IL1RAPL2: variants seen among roughly 807,000 people sequenced by gnomAD.
IL1RAPL2 encodes the protein X-linked interleukin-1 receptor accessory protein-like 2.
IL1RAPL2 carries 3 observed loss-of-function variants against 44.1 expected under a neutral mutation model. That is an observed-to-expected ratio of 0.07 (90% CI 0.03 to 0.18). IL1RAPL2 has a LOEUF of 0.18. Among genes scored for constraint, IL1RAPL2 ranks in the 10% least tolerant of loss-of-function variants. The pLI is 1.00. For synonymous variants in IL1RAPL2, 181 were observed against 178.8 expected (o/e 1.01, Z -0.10); for missense variants, 391 against 496.4 (o/e 0.79, Z 2.02).
chrX:105,052,136 G>T (rs2031936031), intron 2 of IL1RAPL2, among the ~76,000 whole-genome samples: 1 of 112,387 alleles, frequency 8.9e-6, no homozygotes, highest in African/African-American at 3.2e-5. Context: ...GTATGGGCTA[G>T]CTCTTTGATC....
chrX:105,080,400 G>T (rs1383288504), intron 2 of IL1RAPL2, among the ~76,000 whole-genome samples: 1 of 111,819 alleles, frequency 8.9e-6, no homozygotes, highest in Non-Finnish European at 1.9e-5. Flanking sequence ...TTTGTATAAG[G>T]GGTAAGAAAA....
chrX:105,359,751 T>TCAA (rs773805127), intron 5 of IL1RAPL2, among the ~76,000 whole-genome samples: 4 of 75,717 alleles, frequency 5.3e-5, no homozygotes, highest in African/African-American at 1.5e-4. Context: ...TAACTGTAAT[T>TCAA]TAATAATAAT....
chrX:105,025,710 T>C (rs1172216681), intron 2 of IL1RAPL2, among the ~76,000 whole-genome samples: 3 of 111,349 alleles, frequency 2.7e-5, no homozygotes, highest in Non-Finnish European at 5.7e-5. Flanking sequence ...GAAAAAGCCA[T>C]TTGTAAATGC....
At chrX:104,838,847 CTT>C (rs3086025) in intron 2 of IL1RAPL2, among the ~76,000 whole-genome samples, 529 of 36,168 alleles carry the variant, frequency 0.015, 5 homozygotes, top group African/African-American at 0.045. Context: ...TTCTTTCTTT[CTT>C]TTTTTTTTTT....
chrX:104,974,707 A>G (rs1283480197), intron 2 of IL1RAPL2, among the ~76,000 whole-genome samples: 2 of 112,210 alleles, frequency 1.8e-5, no homozygotes, highest in Non-Finnish European at 3.8e-5. Context: ...ACATTGAAGA[A>G]AAATGTTCAA....
intron 6 of IL1RAPL2, among the ~76,000 whole-genome samples, chrX:105,685,673 C>T (rs2037965594): frequency 1.8e-5 from 2 of 111,251 alleles, no homozygotes; most frequent in South Asian, 7.6e-4. Flanking sequence ...CAAGGCAGGC[C>T]AACATTCAAA....
chrX:105,019,171 A>G (rs1375224771), intron 2 of IL1RAPL2, among the ~76,000 whole-genome samples: 3 of 112,138 alleles, frequency 2.7e-5, no homozygotes, highest in Non-Finnish European at 5.7e-5. Context: ...GTATTTAAGT[A>G]CAGAATTGAG....
At chrX:105,446,121 G>A (rs755175812) in intron 5 of IL1RAPL2, among the ~76,000 whole-genome samples, 1 of 111,284 alleles carries the variant, frequency 9.0e-6, no homozygotes, top group Non-Finnish European at 1.9e-5. Flanking sequence ...TTGCAGAATT[G>A]CCCCCTTTAT....
chrX:105,213,128 T>C (rs2033822233), intron 3 of IL1RAPL2, among the ~76,000 whole-genome samples: 1 of 110,337 alleles, frequency 9.1e-6, no homozygotes, highest in Non-Finnish European at 1.9e-5. Context: ...GAGAATGAGA[T>C]TGACAAATTG....
intron 6 of IL1RAPL2, among the ~76,000 whole-genome samples, chrX:105,565,962 G>T (rs145170119): frequency 4.5e-5 from 5 of 111,576 alleles, no homozygotes; most frequent in Non-Finnish European, 7.5e-5. Context: ...AATTTGGCTG[G>T]TGAAGATCTT....
At chrX:105,399,758 T>TA (rs887414250) in intron 5 of IL1RAPL2, among the ~76,000 whole-genome samples, 32 of 110,959 alleles carry the variant, frequency 2.9e-4, no homozygotes, top group African/African-American at 7.2e-4. Context: ...GATATAATGG[T>TA]AAAAAAATAG....
rs751244152 is a variant in IL1RAPL2 at position 105,681,687 on chromosome X, G to A, written c.773-35680G>A. ...GCCGGATAATTGCTTGAACCCAGGGGGCAGAGGTTGCAGTGAGCCAAGATG... is the reference window on the plus strand; with the variant it reads ...GCCGGATAATTGCTTGAACCCAGGGAGCAGAGGTTGCAGTGAGCCAAGATG... On this transcript the variant is annotated intron_variant, in intron 6 of 10. Transcript: ENST00000372582. Among the ~76,000 whole-genome samples, 19 of 111,425 alleles carry A rather than the reference G, an allele frequency of 1.7e-4. No individual in the cohort carries two copies. The South Asian group carries it at 7.3e-3, about 43-fold the overall frequency.
chrX:105,514,995 G>T (rs1393214802), intron 6 of IL1RAPL2, among the ~76,000 whole-genome samples: 1 of 111,823 alleles, frequency 8.9e-6, no homozygotes, highest in African/African-American at 3.3e-5. Context: ...GAAGAACTTT[G>T]TAAATTGTCT....
intron 2 of IL1RAPL2, among the ~76,000 whole-genome samples, chrX:104,782,587 T>C (rs959108166): frequency 1.8e-5 from 2 of 112,088 alleles, no homozygotes; most frequent in African/African-American, 6.5e-5. Flanking sequence ...CATTATAATA[T>C]TGATAACCTG....
At chrX:104,763,278 A>C (rs1932498160) in intron 2 of IL1RAPL2, among the ~76,000 whole-genome samples, 1 of 111,874 alleles carries the variant, frequency 8.9e-6, no homozygotes, top group Admixed American at 9.4e-5. Flanking sequence ...ATGTGAGACC[A>C]CCTCAGCCTG....
chrX:105,297,834 GT>G (rs2034665188), intron 5 of IL1RAPL2, among the ~76,000 whole-genome samples: 1 of 111,421 alleles, frequency 9.0e-6, no homozygotes, highest in Non-Finnish European at 1.9e-5. Context: ...CGCTCTGGCT[GT>G]TGTGTAGAGA....
chrX:105,604,185 G>A (rs1395468943), intron 6 of IL1RAPL2, among the ~76,000 whole-genome samples: 2 of 109,896 alleles, frequency 1.8e-5, no homozygotes, highest in African/African-American at 6.6e-5. Flanking sequence ...AAATAGATAC[G>A]TAAAAAACAA....
intron 6 of IL1RAPL2, among the ~76,000 whole-genome samples, chrX:105,603,599 C>T (rs1021620501): frequency 9.0e-6 from 1 of 111,411 alleles, no homozygotes; most frequent in African/African-American, 3.3e-5. Context: ...AGGACTTCAA[C>T]AACCCATTCT....
At chrX:104,869,590 G>T (rs572798891) in intron 2 of IL1RAPL2, among the ~76,000 whole-genome samples, 1 of 110,996 alleles carries the variant, frequency 9.0e-6, no homozygotes, top group African/African-American at 3.3e-5. Flanking sequence ...AAGTTTTAGG[G>T]CACATGTGCA....
Sources: allele counts gnomAD v4.1 joint callset (sites outside exome capture counted in the v4.1 genomes callset), GRCh38; gene constraint gnomAD v4.1.1; transcripts MANE v1.5; gene names NCBI Gene and HGNC (gene_info 2026-07-23, HGNC 2026-07-21).